XPO7: variants seen among roughly 807,000 people sequenced by gnomAD.
XPO7 encodes the protein exportin-7.
XPO7 carries 21 observed loss-of-function variants against 144.3 expected under a neutral mutation model. The ratio of observed to expected loss-of-function variants is 0.15; its 90% confidence interval spans 0.10 to 0.21. XPO7 has a LOEUF of 0.21. XPO7 is among the 10% of genes least tolerant of loss of function. The pLI is 1.00. For synonymous variants in XPO7, 580 were observed against 499.6 expected (o/e 1.16, Z -2.15); for missense variants, 808 against 1,325.8 (o/e 0.61, Z 6.06).
chr8:21,924,573 T>G (rs1810399420), intron 1 of XPO7, among the ~76,000 whole-genome samples: 1 of 152,166 alleles, frequency 6.6e-6, no homozygotes, highest in Non-Finnish European at 1.5e-5. Context: ...GAGCAGTGAT[T>G]ATACAGCTTT....
chr8:21,999,669 C>T lies in XPO7; in HGVS notation c.2777C>T (p.Ala926Val). 1 of 1,614,020 alleles carries T rather than the reference C, an allele frequency of 6.2e-7. No homozygotes were observed. The highest frequency in any genetic ancestry group is 1.7e-5 in the Admixed American group (1 of 60,028). Residue 926 changes from alanine (A) to valine (V), a missense_variant, in exon 24 of 28, where the codon GCA becomes GTA. Physicochemically the swap from Ala to Val is moderately conservative, Grantham distance 64 (BLOSUM62 0). This residue lies in a region of XPO7 where 140 missense variants were observed against 237.9 expected (regional missense o/e 0.59). Transcript: ENST00000252512. ...TCTTCCATTTCTGAAGGACTTACTG[C>T]ACTTGGTAAGCACCTGAGGTGGGTG... ...ILSSISEGLT[A>V]LDTMVCTGCC... is the part of the protein sequence containing the mutation.
At chr8:21,992,040 G>A (rs959894362) in intron 19 of XPO7, 66 bp downstream of exon 19, 20 of 1,312,686 alleles carry the variant, frequency 1.5e-5, no homozygotes, top group South Asian at 1.2e-4. Context: ...ATTGAAAATC[G>A]TGCTTGACTG....
In XPO7 at chr8:21,970,194, G is replaced by T; in HGVS notation, c.310G>T (p.Val104Leu). The T allele has an allele frequency of 6.2e-7, 1 of 1,613,468 alleles. No individual in the cohort carries two copies. Among genetic ancestry groups the T allele is most frequent in the Non-Finnish European group, 8.5e-7 (1 of 1,179,718 alleles). ...CACTCGGCCGAAGTTGGCTACTTTC[G>T]TGACACAAGCACTTATTCAGTTATA... ...LATRPKLATF[V>L]TQALIQLYAR... Residue 104 changes from valine to leucine, a missense_variant, in exon 4 of 28, where the codon GTG (valine) becomes TTG (leucine). Coordinates refer to ENST00000252512, the MANE Select transcript of XPO7 (RefSeq NM_015024.5).
chr8:21,998,390 G>A (rs1813024009), intron 21 of XPO7, among the ~76,000 whole-genome samples: 1 of 152,098 alleles, frequency 6.6e-6, no homozygotes, highest in Non-Finnish European at 1.5e-5. Context: ...GCAGTGAGCC[G>A]AAATTGCGCC....
rs977835761 is a variant in XPO7, at chr8:21,999,255, C to T, written c.2593C>T (p.Leu865=). The change falls in exon 23 of 28, where the codon CTG becomes TTG. Residue 865 remains leucine, a synonymous_variant. Transcript: ENST00000252512. ...TGGAGACGATGCCCTGGACAATGCTCTGCAGACCTTCATCAAGCTGCTCCT... is the reference window on the plus strand; with the variant it reads ...TGGAGACGATGCCCTGGACAATGCTTTGCAGACCTTCATCAAGCTGCTCCT... The part of the protein sequence containing the change: ...LYGDDALDNA[L]QTFIKLLLSI... The T allele has an allele frequency of 8.7e-6, 14 of 1,613,520 alleles. No individual in the cohort carries two copies. In the Admixed American group the frequency reaches 2.2e-4, roughly 25 times the overall value.
chr8:21,953,886 G>T (rs1811452850), intron 1 of XPO7, among the ~76,000 whole-genome samples: 1 of 152,090 alleles, frequency 6.6e-6, no homozygotes, highest in Non-Finnish European at 1.5e-5. Context: ...AGAGTTCTTT[G>T]TATATTTTGG....
chr8:22,002,726 T>C (rs907056710), intron 25 of XPO7, among the ~76,000 whole-genome samples: 10 of 152,184 alleles, frequency 6.6e-5, no homozygotes, highest in African/African-American at 2.2e-4. Flanking sequence ...TGAAGTAACT[T>C]ACAGAAATAC....
intron 1 of XPO7, among the ~76,000 whole-genome samples, chr8:21,952,733 G>A (rs1056300969): frequency 1.3e-5 from 2 of 152,176 alleles, no homozygotes; most frequent in Non-Finnish European, 2.9e-5. Flanking sequence ...GTGTTATAAC[G>A]CCTGTGTTTT....
chr8:21,955,784 A>C (rs1174527427), intron 1 of XPO7, among the ~76,000 whole-genome samples: 1 of 129,286 alleles, frequency 7.7e-6, no homozygotes, highest in Non-Finnish European at 1.5e-5. Context: ...GCTGTTGTGC[A>C]GTGGCATAAT....
At chr8:21,946,106 A>G (rs1811180829) in intron 1 of XPO7, among the ~76,000 whole-genome samples, 1 of 152,142 alleles carries the variant, frequency 6.6e-6, no homozygotes, top group African/African-American at 2.4e-5. Flanking sequence ...TATAAACAAA[A>G]ACTACCACAC....
At chr8:21,934,624 A>C (rs1389586853) in intron 1 of XPO7, among the ~76,000 whole-genome samples, 3 of 152,220 alleles carry the variant, frequency 2.0e-5, no homozygotes, top group Non-Finnish European at 4.4e-5. Context: ...AGTGTACCAG[A>C]CAAAAAGAAA....
chr8:21,987,715 AC>A, intron 14 of XPO7, 68 bp from the exon 15 acceptor site: 1 of 1,564,418 alleles, frequency 6.4e-7, no homozygotes, highest in Non-Finnish European at 8.8e-7. Flanking sequence ...ATGAGTGTGG[AC>A]AAAAATAGTA....
chr8:21,971,437 A>C (rs1446872868), intron 4 of XPO7, among the ~76,000 whole-genome samples: 1 of 152,144 alleles, frequency 6.6e-6, no homozygotes, highest in Non-Finnish European at 1.5e-5. Flanking sequence ...AGACTGGATA[A>C]ATTTTGATAT....
chr8:21,919,805 G>C lies in XPO7; in HGVS notation c.18+17G>C, dbSNP rs4357287. 112 of 488,310 alleles carry C rather than the reference G, an allele frequency of 2.3e-4. No individual in the cohort carries two copies. Among genetic ancestry groups the C allele is most frequent in the African/African-American group, 8.4e-4 (41 of 48,732 alleles). The allele number at this position is 488,310 out of a possible 1,614,324, so 30.2% of individuals were successfully genotyped here. ...CATGTGCAGGTGAGAGGAGCCGCGGGGGGGAGGGGGCGACCACGAAGAGCG... is the reference window on the plus strand; with the variant it reads ...CATGTGCAGGTGAGAGGAGCCGCGGCGGGGAGGGGGCGACCACGAAGAGCG... On this transcript the variant is annotated intron_variant, in intron 1 of 27. Transcript: ENST00000252512.
At chr8:22,004,595 C>T (rs922682686) in intron 27 of XPO7, among the ~76,000 whole-genome samples, 20 of 152,064 alleles carry the variant, frequency 1.3e-4, no homozygotes, top group Non-Finnish European at 2.6e-4. Flanking sequence ...GATTCATGTT[C>T]TCAGTCACAC....
chr8:21,970,226 A>G lies in XPO7; in HGVS notation c.342A>G (p.Arg114=). The change falls in exon 4 of 28, where the codon AGA becomes AGG. Residue 114 remains arginine (R), a synonymous_variant. Coordinates refer to ENST00000252512, the MANE Select transcript of XPO7 (RefSeq NM_015024.5). ...AAGCACTTATTCAGTTATATGCCAG[A>G]ATCACAAAACTGGGCTGGTTTGACT... ...VTQALIQLYA[R]ITKLGWFDCQ... 6.2e-7 allele frequency: 1 copy of G among 1,613,866 alleles called. No homozygotes were observed. The highest frequency in any genetic ancestry group is 8.5e-7 in the Non-Finnish European group (1 of 1,179,842).
chr8:21,953,914 G>C (rs1471250227), intron 1 of XPO7, among the ~76,000 whole-genome samples: 1 of 152,138 alleles, frequency 6.6e-6, no homozygotes, highest in Non-Finnish European at 1.5e-5. Flanking sequence ...TCCTGTATCA[G>C]ATTTTTGCAG....
At chr8:21,925,550 T>C (rs962241179) in intron 1 of XPO7, among the ~76,000 whole-genome samples, 4 of 152,232 alleles carry the variant, frequency 2.6e-5, no homozygotes, top group African/African-American at 9.6e-5. Context: ...TGGTGGTTAT[T>C]GTAAGACTTA....
chr8:21,965,619 T>A (rs189627095), intron 1 of XPO7, among the ~76,000 whole-genome samples: 54 of 152,236 alleles, frequency 3.5e-4, no homozygotes, highest in Non-Finnish European at 6.9e-4. Flanking sequence ...ACTGATGATC[T>A]TAGGGCGTCA....
Sources: gnomAD v4.1 joint callset for allele counts (sites outside exome capture counted in the v4.1 genomes callset) on GRCh38, gnomAD v4.1.1 for gene constraint, gnomAD v4.1.1 regional missense constraint, MANE v1.5 for transcripts, NCBI Gene and HGNC (gene_info 2026-07-23, HGNC 2026-07-21) for gene names.